ST8SIA1: variants seen among roughly 807,000 people sequenced by gnomAD.
ST8SIA1 encodes the protein ST8 alpha-N-acetyl-neuraminide alpha-2,8-sialyltransferase 1.
ST8SIA1 carries 16 observed loss-of-function variants against 35.9 expected under a neutral mutation model. The ratio of observed to expected loss-of-function variants is 0.45; its 90% CI spans 0.30 to 0.68. ST8SIA1 has a LOEUF of 0.68. Among genes scored for constraint, ST8SIA1 ranks in the 30% least tolerant of loss-of-function variants. The probability of loss-of-function intolerance (pLI) is 0.09; values close to 1 mark genes in which losing one functional copy is unlikely to be tolerated. For missense variants in ST8SIA1, 383 were observed against 453.6 expected (o/e 0.84, Z 1.41); for synonymous variants, 170 against 169.6 (o/e 1.00, Z -0.02).
At chr12:22,231,712 T>C (rs1251253820) in intron 4 of ST8SIA1, among the ~76,000 whole-genome samples, 1 of 152,034 alleles carries the variant, frequency 6.6e-6, no homozygotes, top group East Asian at 1.9e-4. Context: ...TAGCTGGGAC[T>C]ACAGGCACCC....
chr12:22,249,541 T>G (rs79376272), intron 3 of ST8SIA1, among the ~76,000 whole-genome samples: 1 of 152,124 alleles, frequency 6.6e-6, no homozygotes, highest in African/African-American at 2.4e-5. Context: ...TTTGTTTTGT[T>G]TTGTTTTGTT....
Position 22,298,689 on chromosome 12 carries a change from T to C in ST8SIA1, c.237-11396A>G, listed in dbSNP as rs114264192. On this transcript the variant is annotated intron_variant, in intron 1 of 4. Coordinates refer to ENST00000396037, the MANE Select transcript of ST8SIA1 (RefSeq NM_003034.4). The stretch of plus-strand genomic sequence containing the variant: ...AAACAAAGCTATTTTCTACTTCCAG[T>C]GGGTCAACTCAGCTCCACACCAACA... 9.4e-3 allele frequency among the ~76,000 whole-genome samples: 1,426 copies of C among 152,330 alleles called. 21 individuals are homozygous for C. The highest frequency in any genetic ancestry group is 0.032 in the African/African-American group (1,347 of 41,586).
intron 4 of ST8SIA1, among the ~76,000 whole-genome samples, chr12:22,248,252 T>C (rs1700931036): frequency 6.6e-6 from 1 of 152,140 alleles, no homozygotes; most frequent in Admixed American, 6.5e-5. Context: ...TCTGGATGTT[T>C]CCCTCCTAAT....
At chr12:22,212,876 A>ATAACTGC (rs1302470812) in intron 4 of ST8SIA1, among the ~76,000 whole-genome samples, 12 of 152,204 alleles carry the variant, frequency 7.9e-5, no homozygotes, top group African/African-American at 2.4e-4. Flanking sequence ...TTGCTTTTCC[A>ATAACTGC]TAACTGCTCA....
In ST8SIA1 at chr12:22,271,688, G is replaced by C. The variant is rs146624225; in HGVS notation, c.381+15461C>G. The stretch of plus-strand genomic sequence containing the variant: ...ACCTATTAATAGCTGTAAAATACGA[G>C]AGCGCCAATCATCACATTGCTCTGG... On this transcript the variant is annotated intron_variant, in intron 2 of 4. Transcript: ENST00000396037. Among the ~76,000 whole-genome samples the C allele has an allele frequency of 7.8e-3, 1,181 of 152,280 alleles. 7 individuals carry two copies. The highest frequency in any genetic ancestry group is 0.013 in the Non-Finnish European group (859 of 68,020).
chr12:22,208,338 A>G (rs1865138550), intron 4 of ST8SIA1, among the ~76,000 whole-genome samples: 1 of 152,064 alleles, frequency 6.6e-6, no homozygotes, highest in African/African-American at 2.4e-5. Context: ...ATAATTACCT[A>G]TCTAGAATAT....
chr12:22,214,241 C>T (rs1865209501), intron 4 of ST8SIA1, among the ~76,000 whole-genome samples: 1 of 152,044 alleles, frequency 6.6e-6, no homozygotes. Context: ...AGTTTATCAA[C>T]AGTGGCAAAT....
rs73270056 is a variant in ST8SIA1 at position 22,264,671 on chromosome 12, C to A, written c.382-9282G>T. Among the ~76,000 whole-genome samples the A allele has an allele frequency of 8.1e-3, 1,228 of 151,598 alleles. 21 individuals carry two copies. The highest frequency in any genetic ancestry group is 0.029 in the African/African-American group (1,181 of 41,074). ...CATTATAGGTACTTAATTATTAAAC[C>A]CTTTAAAAAACGTTACACATAATTT... On this transcript the variant is annotated intron_variant, in intron 2 of 4. Transcript: ENST00000396037.
At chr12:22,285,877 CAA>C (rs1398352110) in intron 2 of ST8SIA1, among the ~76,000 whole-genome samples, 8 of 103,668 alleles carry the variant, frequency 7.7e-5, no homozygotes, top group Admixed American at 1.1e-4. Flanking sequence ...CTGTCAAAAA[CAA>C]AAAAAAAAAA....
chr12:22,204,497 A>T (rs1046312222), intron 4 of ST8SIA1, among the ~76,000 whole-genome samples: 2 of 151,880 alleles, frequency 1.3e-5, no homozygotes, highest in Middle Eastern at 3.4e-3. Flanking sequence ...ATTCCTCCTT[A>T]TTCCTGTACA....
chr12:22,224,508 G>T (rs1405168254), intron 4 of ST8SIA1, among the ~76,000 whole-genome samples: 1 of 151,660 alleles, frequency 6.6e-6, no homozygotes, highest in African/African-American at 2.4e-5. Context: ...ACAGGGTTTT[G>T]CCCACCTTGG....
At chr12:22,290,247 G>A (rs536927435) in intron 1 of ST8SIA1, among the ~76,000 whole-genome samples, 1 of 152,272 alleles carries the variant, frequency 6.6e-6, no homozygotes, top group Non-Finnish European at 1.5e-5. Flanking sequence ...CATCTCTGGA[G>A]GGTGGCTAAA....
intron 3 of ST8SIA1, 119 bp from the exon 4 acceptor site, chr12:22,249,217 TTTG>T (rs1374786485): frequency 5.8e-4 from 389 of 676,022 alleles, no homozygotes; most frequent in Non-Finnish European, 6.9e-4. Context: ...TGTTTTGTTT[TTTG>T]TTTTTTTTTT....
At chr12:22,265,494 T>C (rs1036625421) in intron 2 of ST8SIA1, among the ~76,000 whole-genome samples, 1 of 152,238 alleles carries the variant, frequency 6.6e-6, no homozygotes, top group Non-Finnish European at 1.5e-5. Context: ...TGTTCCCCTA[T>C]GACAATTGGC....
chr12:22,270,666 GA>G (rs1865902368), intron 2 of ST8SIA1, among the ~76,000 whole-genome samples: 1 of 152,306 alleles, frequency 6.6e-6, no homozygotes, highest in Non-Finnish European at 1.5e-5. Flanking sequence ...GTAAAGGGGT[GA>G]AAGGGGGCTG....
intron 2 of ST8SIA1, among the ~76,000 whole-genome samples, chr12:22,276,680 G>A (rs1308053182): frequency 1.3e-5 from 2 of 152,178 alleles, no homozygotes; most frequent in African/African-American, 4.8e-5. Context: ...CTGATTCTCA[G>A]TTGGGGTGTT....
rs377278125 is a variant in ST8SIA1, at chr12:22,250,669, C to T, written c.492-1571G>A. 2.6e-5 allele frequency: 4 copies of T among 152,368 alleles called. No homozygotes were observed. In the East Asian group the frequency reaches 5.8e-4, roughly 22 times the overall value. The allele number at this position is 152,368 out of a possible 1,614,324, so 9.4% of individuals were successfully genotyped here. On this transcript the variant is annotated intron_variant, in intron 3 of 4. Coordinates refer to ENST00000396037, the MANE Select transcript of ST8SIA1 (RefSeq NM_003034.4). ...CTAAATTTTCCCTACAAATTACCCT[C>T]AGTATCCAGGCACCCACTCAGCTGA...
intron 3 of ST8SIA1, among the ~76,000 whole-genome samples, chr12:22,252,083 C>A (rs1427860024): frequency 1.3e-5 from 2 of 152,128 alleles, no homozygotes; most frequent in Non-Finnish European, 2.9e-5. Context: ...CTTTTGGCTA[C>A]AGAGCAAATG....
In ST8SIA1 at chr12:22,194,264, C is replaced by T. The variant is rs951682358; in HGVS notation, c.*7288G>A. 1.3e-5 allele frequency: 2 copies of T among 152,108 alleles called. No individual in the cohort carries two copies. The highest frequency in any genetic ancestry group is 4.8e-5 in the African/African-American group (2 of 41,410). The allele number at this position is 152,108 out of a possible 1,614,324, so 9.4% of individuals were successfully genotyped here. A position where few individuals can be genotyped will look rare whatever the true frequency, so the allele number is the denominator to read the frequency against. On this transcript the variant is annotated 3_prime_UTR_variant, in exon 5 of 5. Coordinates refer to ENST00000396037, the MANE Select transcript of ST8SIA1 (RefSeq NM_003034.4). ...CAGTGACAGATTGATTCCTTGCTTC[C>T]GGTGTTTACTGGAGAAACAAACATT...
Sources: allele counts gnomAD v4.1 joint callset (sites outside exome capture counted in the v4.1 genomes callset), GRCh38; gene constraint gnomAD v4.1.1; transcripts MANE v1.5; gene names NCBI Gene and HGNC (gene_info 2026-07-23, HGNC 2026-07-21).